The following CRACD variants were observed in gnomAD, a reference collection of about 807,000 sequenced individuals.
CRACD encodes capping protein inhibiting regulator of actin dynamics, also known as capping protein-inhibiting regulator of actin dynamics.
CRACD carries 56 observed loss-of-function variants against 106.8 expected under a neutral mutation model. The observed-to-expected ratio is 0.52, with a 90% confidence interval of 0.42 to 0.66. The LOEUF is 0.66. CRACD is among the 30% of genes least tolerant of loss of function. The probability of loss-of-function intolerance (pLI) is 0.00; values close to 1 mark genes in which losing one functional copy is unlikely to be tolerated. For synonymous variants in CRACD, 754 were observed against 670.8 expected, an observed-to-expected ratio of 1.12 and a Z score of -1.92; for missense variants, 1,730 against 1,623.2, an observed-to-expected ratio of 1.07 and a Z score of -1.13.
At chr4:56,061,342 G>T (rs1467472993) in intron 1 of CRACD, among the ~76,000 whole-genome samples, 1 of 151,934 alleles carries the variant, frequency 6.6e-6, no homozygotes, top group Non-Finnish European at 1.5e-5. Context: ...ACCAGTTTTT[G>T]TGGTTTTTTT....
chr4:56,063,198 A>G (rs78858475), intron 1 of CRACD, among the ~76,000 whole-genome samples: 17 of 151,950 alleles, frequency 1.1e-4, no homozygotes, highest in African/African-American at 4.1e-4. Context: ...TTCAAATAAT[A>G]ATTTTTTTTT....
At chr4:56,179,217 T>C (rs1398907036) in intron 1 of CRACD, 67 bp from the exon 2 acceptor site, 3 of 152,126 alleles carry the variant, frequency 2.0e-5, no homozygotes, top group Non-Finnish European at 4.4e-5. Context: ...AAGAGATTCA[T>C]TTTAAAGGCT....
Position 56,315,321 on chromosome 4 carries a change from G to A in CRACD, c.1819G>A (p.Ala607Thr), listed in dbSNP as rs1475657588. The A allele has an allele frequency of 6.2e-7, 1 of 1,613,854 alleles. No individual in the cohort carries two copies. The highest frequency in any genetic ancestry group is 8.5e-7 in the Non-Finnish European group (1 of 1,179,946). The stretch of plus-strand genomic sequence containing the variant: ...CACGGGCGCGCAGCTCTGTGGCCCG[G>A]CAGTCAACCTGAGCCAGATCAAGGA... ...LVTGAQLCGP[A>T]VNLSQIKDTA... is the part of the protein sequence containing the mutation. Residue 607 changes from alanine to threonine, a missense_variant, in exon 8 of 11, where the codon GCA becomes ACA. This residue lies in a region of CRACD where 1,620 missense variants were observed against 1,481.6 expected (regional missense o/e 1.09). Transcript: ENST00000682029. The surrounding 1 kb of genome is among the most constrained non-coding windows in gnomAD (Gnocchi z 4.1).
intron 1 of CRACD, among the ~76,000 whole-genome samples, chr4:56,150,656 A>G (rs1295890142): frequency 2.6e-5 from 4 of 152,232 alleles, no homozygotes; most frequent in African/African-American, 9.6e-5. Context: ...AAATGGTTGT[A>G]TCTTGCTTCT....
chr4:56,201,876 T>G (rs1472171083), intron 2 of CRACD, among the ~76,000 whole-genome samples: 5 of 152,312 alleles, frequency 3.3e-5, no homozygotes, highest in Non-Finnish European at 5.9e-5. Flanking sequence ...TCTTAAGAAC[T>G]TTGCAGAGGT....
At chr4:56,057,668 A>C (rs1732124278) in intron 1 of CRACD, among the ~76,000 whole-genome samples, 1 of 134,170 alleles carries the variant, frequency 7.5e-6, no homozygotes, top group Non-Finnish European at 1.5e-5. Flanking sequence ...TCTGTCATTC[A>C]GGCTAGAGTG....
chr4:56,158,562 T>A (rs1735838252), intron 1 of CRACD, among the ~76,000 whole-genome samples: 1 of 152,226 alleles, frequency 6.6e-6, no homozygotes, highest in Non-Finnish European at 1.5e-5. Context: ...GAGTATTTTG[T>A]AGACGGTGAT....
At chr4:56,311,417 G>T (rs184654695) in intron 6 of CRACD, 5 of 152,334 alleles carry the variant, frequency 3.3e-5, no homozygotes, top group Admixed American at 3.3e-4. Context: ...GGGATAGCTA[G>T]AAACAAAGCA....
chr4:56,052,414 CT>C (rs1180510758), intron 1 of CRACD, among the ~76,000 whole-genome samples: 1 of 152,218 alleles, frequency 6.6e-6, no homozygotes, highest in East Asian at 1.9e-4. Context: ...TTGAAAAGCA[CT>C]AATGCTAAGG....
At chr4:56,108,565 C>G (rs1577966776) in intron 1 of CRACD, among the ~76,000 whole-genome samples, 1 of 151,984 alleles carries the variant, frequency 6.6e-6, no homozygotes, top group African/African-American at 2.4e-5. Flanking sequence ...ACAACTGGGC[C>G]CAAGGGACCA....
At chr4:56,307,920 G>A (rs1227649659) in intron 5 of CRACD, among the ~76,000 whole-genome samples, 4 of 152,210 alleles carry the variant, frequency 2.6e-5, no homozygotes, top group Admixed American at 6.5e-5. Context: ...TCTTCCCAGT[G>A]TCTTTCACTT....
intron 2 of CRACD, among the ~76,000 whole-genome samples, chr4:56,268,089 C>T (rs1742134312): frequency 6.6e-6 from 1 of 152,192 alleles, no homozygotes; most frequent in Non-Finnish European, 1.5e-5. Flanking sequence ...CCATTCACAA[C>T]AGTGAGGTGA....
At position 56,214,679 on chromosome 4, in the gene CRACD, C is replaced by CTATATATATA. The variant is rs755261143; in HGVS notation, c.-189+35250_-189+35251insATATATATAT. Among the ~76,000 whole-genome samples, 240 of 74,214 alleles carry CTATATATATA rather than the reference C, an allele frequency of 3.2e-3. 2 individuals carry two copies. Among genetic ancestry groups the CTATATATATA allele is most frequent in the African/African-American group, 0.01 (223 of 21,246 alleles). 48.7% of individuals were successfully genotyped at this position (74,214 alleles called of 152,430 possible). ...TCTCTCTCTCTCTCTCTCTCTCTCT[C>CTATATATATA]TCTATATATATATATATCAAACAGT... On this transcript the variant is annotated intron_variant, in intron 2 of 10. Coordinates refer to ENST00000682029, the MANE Select transcript of CRACD (RefSeq NM_001393381.1).
intron 2 of CRACD, among the ~76,000 whole-genome samples, chr4:56,257,031 G>C (rs1182490385): frequency 6.6e-6 from 1 of 151,360 alleles, no homozygotes; most frequent in Non-Finnish European, 1.5e-5. Context: ...CAGGTAGCAG[G>C]CTCTGAAAGA....
intron 1 of CRACD, among the ~76,000 whole-genome samples, chr4:56,164,105 C>T (rs1429713693): frequency 6.6e-6 from 1 of 151,204 alleles, no homozygotes; most frequent in Non-Finnish European, 1.5e-5. Context: ...CGGGAAGTTT[C>T]AGACATATAC....
chr4:56,193,134 A>G (rs1737457427), intron 2 of CRACD, among the ~76,000 whole-genome samples: 1 of 152,230 alleles, frequency 6.6e-6, no homozygotes, highest in Non-Finnish European at 1.5e-5. Context: ...GGGATGTTTT[A>G]CATGGCGGCA....
chr4:56,081,508 C>T (rs1203625741), intron 1 of CRACD, among the ~76,000 whole-genome samples: 2 of 152,112 alleles, frequency 1.3e-5, no homozygotes, highest in Admixed American at 6.5e-5. Flanking sequence ...TGTTGCAAGA[C>T]ATTAAAAGTA....
chr4:56,137,880 G>A (rs188282277), intron 1 of CRACD, among the ~76,000 whole-genome samples: 8 of 152,242 alleles, frequency 5.3e-5, no homozygotes, highest in Admixed American at 1.3e-4. Context: ...AAACAAAAGA[G>A]AATGTTGTTA....
At position 56,298,267 on chromosome 4, in the gene CRACD, T is replaced by C; in HGVS notation, c.38T>C (p.Ile13Thr). Reference protein sequence around the residue: ...TRAFSHDSIFIPDGGAESEQT... With the variant: ...TRAFSHDSIFTPDGGAESEQT... ...GCATTTTCCCATGACAGTATTTTTA[T>C]CCCTGATGGGGGAGCAGAAAGTGAG... Residue 13 changes from isoleucine to threonine, a missense_variant, in exon 4 of 11, where the codon ATC becomes ACC. This residue lies in a region of CRACD where 1,620 missense variants were observed against 1,481.6 expected (regional missense o/e 1.09). Transcript: ENST00000682029. The C allele has an allele frequency of 6.2e-7, 1 of 1,614,156 alleles. No homozygotes were observed. Among genetic ancestry groups the C allele is most frequent in the African/African-American group, 1.3e-5 (1 of 75,056 alleles).
Sources: allele counts gnomAD v4.1 joint callset (sites outside exome capture counted in the v4.1 genomes callset), GRCh38; gene constraint gnomAD v4.1.1; regional missense constraint gnomAD v4.1.1; non-coding constraint Gnocchi (gnomAD v3.1); transcripts MANE v1.5; gene names NCBI Gene and HGNC (gene_info 2026-07-23, HGNC 2026-07-21).